Variants in PRKG1 observed in about 807,000 individuals in gnomAD.
PRKG1 encodes the protein protein kinase cGMP-dependent 1.
In PRKG1, 35 loss-of-function variants were observed where a neutral mutation model predicts 88.1. That is an observed-to-expected ratio of 0.40 (90% CI 0.30 to 0.53). PRKG1 has a LOEUF of 0.53. PRKG1 is among the 20% of genes least tolerant of loss of function. PRKG1 has a pLI of 0.59. For synonymous variants in PRKG1, 303 were observed against 292.5 expected, an observed-to-expected ratio of 1.04 and a Z score of -0.37; for missense variants, 540 against 839.8, an observed-to-expected ratio of 0.64 and a Z score of 4.41.
At chr10:51,698,335 T>A (rs1355045782) in intron 3 of PRKG1, 1 of 1,614,140 alleles carries the variant, frequency 6.2e-7, no homozygotes, top group Non-Finnish European at 8.5e-7. Flanking sequence ...CATCCATAGG[T>A]AGACCCCTTT....
intron 1 of PRKG1, among the ~76,000 whole-genome samples, chr10:50,995,563 A>G (rs1715982111): frequency 6.6e-6 from 1 of 152,190 alleles, no homozygotes; most frequent in Admixed American, 6.5e-5. Context: ...TTTTCTGCCA[A>G]AGAACTCCAA....
chr10:51,597,239 T>C (rs774629161), intron 3 of PRKG1, among the ~76,000 whole-genome samples: 34 of 152,192 alleles, frequency 2.2e-4, no homozygotes, highest in Non-Finnish European at 4.3e-4. Flanking sequence ...ACATACTCTT[T>C]TTAAAAGAAT....
At chr10:51,157,675 G>T (rs754173647) in intron 2 of PRKG1, among the ~76,000 whole-genome samples, 4 of 151,536 alleles carry the variant, frequency 2.6e-5, no homozygotes, top group Non-Finnish European at 4.4e-5. Context: ...TATTGGTTTT[G>T]TTCATATTTT....
At chr10:51,044,546 T>C (rs1010012359) in intron 1 of PRKG1, among the ~76,000 whole-genome samples, 1 of 152,108 alleles carries the variant, frequency 6.6e-6, no homozygotes, top group African/African-American at 2.4e-5. Flanking sequence ...AGCTTTATCA[T>C]TCAGAGCTTA....
chr10:52,052,671 C>T (rs904650528), intron 5 of PRKG1, among the ~76,000 whole-genome samples: 1 of 152,040 alleles, frequency 6.6e-6, no homozygotes, highest in African/African-American at 2.4e-5. Flanking sequence ...GAGAGCCAAG[C>T]CAAAGAGGAA....
intron 3 of PRKG1, among the ~76,000 whole-genome samples, chr10:51,498,286 T>A (rs1483481494): frequency 6.6e-6 from 1 of 152,176 alleles, no homozygotes; most frequent in East Asian, 1.9e-4. Flanking sequence ...CGGAAATACT[T>A]AGTCTTGGCT....
chr10:51,922,260 A>G (rs1296302666), intron 5 of PRKG1, among the ~76,000 whole-genome samples: 2 of 146,618 alleles, frequency 1.4e-5, no homozygotes, highest in Admixed American at 6.9e-5. Flanking sequence ...CTTCATTTAT[A>G]TTAGTATTTT....
At chr10:51,161,945 C>T (rs1459387904) in intron 2 of PRKG1, among the ~76,000 whole-genome samples, 1 of 152,116 alleles carries the variant, frequency 6.6e-6, no homozygotes, top group Non-Finnish European at 1.5e-5. Context: ...TTACTTCAAC[C>T]ATCATTACAT....
At chr10:51,348,196 G>C (rs965614718) in intron 2 of PRKG1, among the ~76,000 whole-genome samples, 1 of 151,854 alleles carries the variant, frequency 6.6e-6, no homozygotes, top group Non-Finnish European at 1.5e-5. Flanking sequence ...TACACCAAAG[G>C]CCACTTAAGT....
At chr10:52,111,080 A>T (rs545838418) in intron 7 of PRKG1, among the ~76,000 whole-genome samples, 3 of 152,318 alleles carry the variant, frequency 2.0e-5, no homozygotes, top group East Asian at 3.9e-4. Context: ...CGATAGGTAA[A>T]TCTAGGCACA....
chr10:52,038,060 A>C (rs1845662625), intron 5 of PRKG1, among the ~76,000 whole-genome samples: 1 of 152,122 alleles, frequency 6.6e-6, no homozygotes, highest in Admixed American at 6.5e-5. Context: ...AGGATGGAAA[A>C]ATTCAAAGTG....
chr10:51,207,774 T>C (rs1838101596), intron 2 of PRKG1, among the ~76,000 whole-genome samples: 1 of 152,162 alleles, frequency 6.6e-6, no homozygotes, highest in African/African-American at 2.4e-5. Flanking sequence ...TTAAAGAAAA[T>C]GTGTAGGGTT....
intron 1 of PRKG1, among the ~76,000 whole-genome samples, chr10:51,004,403 G>C (rs909274645): frequency 1.3e-5 from 2 of 152,170 alleles, no homozygotes; most frequent in African/African-American, 4.8e-5. Context: ...AGGTTACAGT[G>C]AGCCAAGATT....
At chr10:51,697,374 T>G (rs7908187) in intron 3 of PRKG1, 4,775 of 248,616 alleles carry the variant, frequency 0.019, 198 homozygotes, top group African/African-American at 0.097. Context: ...GAAGTTTTAC[T>G]CGACATTTAA....
intron 9 of PRKG1, among the ~76,000 whole-genome samples, chr10:52,222,822 A>G (rs1840279779): frequency 6.6e-6 from 1 of 152,202 alleles, no homozygotes; most frequent in Non-Finnish European, 1.5e-5. Flanking sequence ...ATAGGAAAAC[A>G]TATTGCCTTG....
intron 9 of PRKG1, among the ~76,000 whole-genome samples, chr10:52,178,432 G>T (rs1177528016): frequency 1.3e-5 from 2 of 152,018 alleles, no homozygotes; most frequent in African/African-American, 4.8e-5. Context: ...CTATCCTGGG[G>T]AATGTTCCAT....
At chr10:52,125,744 T>C (rs1847917042) in intron 7 of PRKG1, 2 of 152,226 alleles carry the variant, frequency 1.3e-5, no homozygotes, top group Non-Finnish European at 2.9e-5. Flanking sequence ...ATAGAAGATA[T>C]GTTTTCATCA....
chr10:51,518,086 C>T (rs957053106), intron 3 of PRKG1, among the ~76,000 whole-genome samples: 2 of 152,136 alleles, frequency 1.3e-5, no homozygotes, highest in African/African-American at 4.8e-5. Flanking sequence ...GCAACTCTGC[C>T]TCCCAAGTTC....
intron 8 of PRKG1, among the ~76,000 whole-genome samples, chr10:52,146,078 A>G (rs1010112948): frequency 5.3e-5 from 8 of 152,206 alleles, no homozygotes; most frequent in African/African-American, 1.4e-4. Context: ...CACTGGAGAC[A>G]GTACATTGTC....
Sources: gnomAD v4.1 joint callset for allele counts (sites outside exome capture counted in the v4.1 genomes callset) on GRCh38, gnomAD v4.1.1 for gene constraint, MANE v1.5 for transcripts, NCBI Gene and HGNC (gene_info 2026-07-23, HGNC 2026-07-21) for gene names.